The following ZMIZ1 variants were observed in gnomAD, a reference collection of about 807,000 sequenced individuals.
The protein encoded by ZMIZ1 is zinc finger MIZ domain-containing protein 1.
In ZMIZ1, 17 loss-of-function variants were observed where a neutral mutation model predicts 113.9. The ratio of observed to expected loss-of-function variants is 0.15; its 90% CI spans 0.10 to 0.22. The LOEUF (loss-of-function observed/expected upper bound fraction) is 0.22, where lower values mean the gene tolerates loss of function less well. ZMIZ1 is among the 10% of genes least tolerant of loss of function. The pLI is 1.00. For missense variants in ZMIZ1, 1,059 were observed against 1,477.8 expected (o/e 0.72, Z 4.65); for synonymous variants, 607 against 603.1 (o/e 1.01, Z -0.09).
At chr10:79,216,067 C>A in intron 6 of ZMIZ1, 102 bp from the exon 7 acceptor site, 1 of 678,600 alleles carries the variant, frequency 1.5e-6, no homozygotes, top group Non-Finnish European at 2.3e-6. Flanking sequence ...TGATGGGGCA[C>A]TGCCTTAGCT....
At position 79,165,948 on chromosome 10, in the gene ZMIZ1, CTGTGTGTGTGTGTG is replaced by C. The variant is rs1174980856; in HGVS notation, c.-50+3856_-50+3869del. Among the ~76,000 whole-genome samples, 50 of 59,844 alleles carry C rather than the reference CTGTGTGTGTGTGTG, an allele frequency of 8.4e-4. 1 individual carries two copies. The highest frequency in any genetic ancestry group is 4.0e-3 in the African/African-American group (39 of 9,656). The allele number at this position is 59,844 out of a possible 152,430, so 39.3% of individuals were successfully genotyped here. On this transcript the variant is annotated intron_variant, in intron 4 of 24. Transcript: ENST00000334512. ...CCTTGGCCTCCAAGCCCCAGCTCAG[CTGTGTGTGTGTGTG>C]TGTGTGTGTGTGTGTGTGTGTGTGT...
intron 23 of ZMIZ1, among the ~76,000 whole-genome samples, chr10:79,309,025 C>T (rs950726665): frequency 2.0e-5 from 3 of 152,190 alleles, no homozygotes; most frequent in African/African-American, 7.2e-5. Flanking sequence ...GCAAGCAGAC[C>T]TGGAAGTGCG....
chr10:79,123,438 T>A (rs1306599305), intron 2 of ZMIZ1, among the ~76,000 whole-genome samples: 2 of 152,204 alleles, frequency 1.3e-5, no homozygotes, highest in East Asian at 3.9e-4. Context: ...CAGCCATGCC[T>A]GGAGCATGGT....
At chr10:79,223,359 G>C (rs900431879) in intron 7 of ZMIZ1, among the ~76,000 whole-genome samples, 1 of 152,198 alleles carries the variant, frequency 6.6e-6, no homozygotes, top group African/African-American at 2.4e-5. Context: ...TGGCAGGCTG[G>C]GGCACCTTTT....
At chr10:79,088,738 G>A (rs1479047496) in intron 1 of ZMIZ1, among the ~76,000 whole-genome samples, 3 of 152,204 alleles carry the variant, frequency 2.0e-5, no homozygotes, top group African/African-American at 7.2e-5. Flanking sequence ...TGGGCTGTGA[G>A]CAGGTGCGTT....
intron 1 of ZMIZ1, among the ~76,000 whole-genome samples, chr10:79,106,816 G>A (rs770502132): frequency 1.2e-4 from 18 of 152,318 alleles, no homozygotes; most frequent in East Asian, 3.9e-4. Context: ...CTGGCTTGGC[G>A]GCAGTCCATG....
intron 1 of ZMIZ1, among the ~76,000 whole-genome samples, chr10:79,114,494 C>CGTGTGTGTGTGCGTGTGTGTGT (rs1243849249): frequency 8.7e-6 from 1 of 114,342 alleles, no homozygotes; most frequent in Non-Finnish European, 1.8e-5. Flanking sequence ...TGTGTGTGTG[C>CGTGTGTGTGTGCGTGTGTGTGT]GTGTGTGTGT....
At chr10:79,143,924 G>A (rs1188377145) in intron 3 of ZMIZ1, among the ~76,000 whole-genome samples, 1 of 152,182 alleles carries the variant, frequency 6.6e-6, no homozygotes, top group African/African-American at 2.4e-5. Context: ...TCCAGGCTGA[G>A]AATTGAATGG....
chr10:79,124,296 A>G (rs1844422044), intron 2 of ZMIZ1, among the ~76,000 whole-genome samples: 1 of 152,246 alleles, frequency 6.6e-6, no homozygotes, highest in Non-Finnish European at 1.5e-5. Context: ...CAAGGGTGTC[A>G]ACAACCCATT....
intron 1 of ZMIZ1, among the ~76,000 whole-genome samples, chr10:79,107,975 GCCTGCCTTTCTGTCCTT>G (rs1843617628): frequency 6.6e-6 from 1 of 152,102 alleles, no homozygotes; most frequent in Admixed American, 6.5e-5. Context: ...CTTTCTGCCT[GCCTGCCTTTCTGTCCTT>G]CCTCTCAGCA....
At position 79,150,800 on chromosome 10, in the gene ZMIZ1, G is replaced by A. The variant is rs183503660; in HGVS notation, c.-131+11023G>A. Among the ~76,000 whole-genome samples, 40 of 152,204 alleles carry A rather than the reference G, an allele frequency of 2.6e-4. No individual in the cohort carries two copies. The East Asian group carries it at 7.4e-3, about 28-fold the overall frequency. On this transcript the variant is annotated intron_variant, in intron 3 of 24. Transcript: ENST00000334512. ...CCTTCTCTCATCTCCCAGAAGCCGG[G>A]CGACGGAGCATGCCTCCGTCTCTCA...
chr10:79,111,041 T>C (rs1354463422), intron 1 of ZMIZ1, among the ~76,000 whole-genome samples: 3 of 152,228 alleles, frequency 2.0e-5, no homozygotes, highest in African/African-American at 7.2e-5. Flanking sequence ...CTTGCTCCCC[T>C]TGCCCAGCTC....
At chr10:79,136,956 G>A (rs1174647889) in intron 2 of ZMIZ1, among the ~76,000 whole-genome samples, 1 of 152,170 alleles carries the variant, frequency 6.6e-6, no homozygotes. Context: ...ACATTTCTAT[G>A]TAAGTATTTC....
chr10:79,281,311 A>G (rs774734474), intron 8 of ZMIZ1, among the ~76,000 whole-genome samples: 4 of 152,222 alleles, frequency 2.6e-5, no homozygotes, highest in Admixed American at 2.0e-4. Flanking sequence ...GGGCAGGACT[A>G]GGGTTCATTG....
chr10:79,313,627 A>G lies in ZMIZ1; in HGVS notation c.*878A>G. 4.2e-6 allele frequency: 1 copy of G among 238,560 alleles called. No homozygotes were observed. The highest frequency in any genetic ancestry group is 5.4e-5 in the South Asian group (1 of 18,680). The allele number at this position is 238,560 out of a possible 1,614,324, so 14.8% of individuals were successfully genotyped here. On this transcript the variant is annotated 3_prime_UTR_variant, in exon 25 of 25. Transcript: ENST00000334512. ...GGCATATAACCTGTCAGAAGCAAAC[A>G]GGAGCGGCAACTTCTAACTTTGCTC...
chr10:79,080,549 T>G (rs1186107493), intron 1 of ZMIZ1, among the ~76,000 whole-genome samples: 1 of 152,110 alleles, frequency 6.6e-6, no homozygotes, highest in Non-Finnish European at 1.5e-5. Flanking sequence ...CCTCAGGTGA[T>G]CCGCCCGCCT....
rs1050945981 is a variant in ZMIZ1 at position 79,118,466 on chromosome 10, C to A, written c.-336-449C>A. Among the ~76,000 whole-genome samples, 16 of 152,166 alleles carry A rather than the reference C, an allele frequency of 1.1e-4. No individual in the cohort carries two copies. Among genetic ancestry groups the A allele is most frequent in the African/African-American group, 3.9e-4 (16 of 41,430 alleles). On this transcript the variant is annotated intron_variant, in intron 1 of 24. Transcript: ENST00000334512. The surrounding 1 kb of genome is among the most constrained non-coding windows in gnomAD (Gnocchi z 4.1). ...AGGCGCACAGCCCACTGGAGATGAA[C>A]AAGCAAGGAGGGGCTGGTGAGAGAG... is the stretch of plus-strand genomic sequence containing the variant.
intron 3 of ZMIZ1, among the ~76,000 whole-genome samples, chr10:79,152,562 C>T (rs144586420): frequency 2.4e-4 from 37 of 152,304 alleles, no homozygotes; most frequent in Admixed American, 5.2e-4. Context: ...ATCTCCGGGG[C>T]GGGGCCTGCG....
intron 1 of ZMIZ1, among the ~76,000 whole-genome samples, chr10:79,099,637 C>T (rs1843290894): frequency 6.6e-6 from 1 of 152,174 alleles, no homozygotes; most frequent in South Asian, 2.1e-4. Flanking sequence ...CTTGGGACGT[C>T]CCAGTGTGGA....
Sources: allele counts gnomAD v4.1 joint callset (sites outside exome capture counted in the v4.1 genomes callset), GRCh38; gene constraint gnomAD v4.1.1; non-coding constraint Gnocchi (gnomAD v3.1); transcripts MANE v1.5; gene names NCBI Gene and HGNC (gene_info 2026-07-23, HGNC 2026-07-21).